The following PIP4K2A variants were observed in gnomAD, a reference collection of about 807,000 sequenced individuals.
PIP4K2A encodes phosphatidylinositol 5-phosphate 4-kinase type-2 alpha.
A neutral mutation model predicts 42.9 loss-of-function variants in PIP4K2A; 14 were observed. That is an observed-to-expected ratio of 0.33 (90% CI 0.22 to 0.51). The LOEUF is 0.51. Ranked by LOEUF, PIP4K2A falls within the 20% of genes least tolerant of loss-of-function variation. The pLI, the probability that PIP4K2A is intolerant of heterozygous loss-of-function variation, is 0.97. For missense variants in PIP4K2A, 434 were observed against 519.8 expected (o/e 0.83, Z 1.61); for synonymous variants, 192 against 192.2 (o/e 1.00, Z 0.01).
intron 3 of PIP4K2A, among the ~76,000 whole-genome samples, chr10:22,594,287 T>C (rs572274673): frequency 2.0e-5 from 3 of 152,368 alleles, no homozygotes; most frequent in East Asian, 3.9e-4. Context: ...TCTAGTTCGA[T>C]TAAAATGGGA....
chr10:22,586,446 G>T (rs1837396628), intron 4 of PIP4K2A, among the ~76,000 whole-genome samples: 2 of 152,198 alleles, frequency 1.3e-5, no homozygotes, highest in Non-Finnish European at 2.9e-5. Context: ...AATGCCACAT[G>T]AGAATGATTT....
intron 1 of PIP4K2A, among the ~76,000 whole-genome samples, chr10:22,701,878 A>G (rs1833721844): frequency 6.6e-6 from 1 of 152,210 alleles, no homozygotes; most frequent in Non-Finnish European, 1.5e-5. Context: ...ATGGGTTGAC[A>G]GGAACAGAAG....
In PIP4K2A at chr10:22,709,427, A is replaced by G. The variant is rs189633949; in HGVS notation, c.144+4756T>C. ...TTGAACCTCATCTGTCTAACCACAAACCTTTTTTGCCAAATTGCACCAATT... is the reference window on the plus strand; with the variant it reads ...TTGAACCTCATCTGTCTAACCACAAGCCTTTTTTGCCAAATTGCACCAATT... On this transcript the variant is annotated intron_variant, in intron 1 of 9. Transcript: ENST00000376573. Among the ~76,000 whole-genome samples, 147 of 152,178 alleles carry G rather than the reference A, an allele frequency of 9.7e-4. 4 individuals are homozygous for G. In the East Asian group the frequency reaches 0.024, roughly 25 times the overall value.
intron 1 of PIP4K2A, among the ~76,000 whole-genome samples, chr10:22,674,200 G>A (rs528748016): frequency 6.6e-6 from 1 of 152,244 alleles, no homozygotes; most frequent in Non-Finnish European, 1.5e-5. Flanking sequence ...GCAACCAGCA[G>A]ACACTGTCTT....
intron 3 of PIP4K2A, among the ~76,000 whole-genome samples, chr10:22,595,376 C>A (rs1837610868): frequency 6.6e-6 from 1 of 152,174 alleles, no homozygotes; most frequent in South Asian, 2.1e-4. Flanking sequence ...TAATCATAGA[C>A]TTTTTGTAGC....
chr10:22,614,900 G>A (rs1838141093), intron 1 of PIP4K2A, among the ~76,000 whole-genome samples: 1 of 152,136 alleles, frequency 6.6e-6, no homozygotes, highest in Non-Finnish European at 1.5e-5. Flanking sequence ...ATTGAAGAAG[G>A]CTGAGTTAAT....
chr10:22,701,382 A>C (rs2130916427), intron 1 of PIP4K2A, among the ~76,000 whole-genome samples: 1 of 152,104 alleles, frequency 6.6e-6, no homozygotes, highest in Admixed American at 6.5e-5. Flanking sequence ...GTATCTTCAA[A>C]CCTTTTAGGC....
chr10:22,549,868 A>G (rs1836357978), intron 7 of PIP4K2A, among the ~76,000 whole-genome samples: 1 of 130,314 alleles, frequency 7.7e-6, no homozygotes, highest in Non-Finnish European at 1.6e-5. Flanking sequence ...AAAAAAAAAA[A>G]AAAAAAGAAA....
chr10:22,556,363 TA>T, intron 6 of PIP4K2A, among the ~76,000 whole-genome samples: 1 of 152,312 alleles, frequency 6.6e-6, no homozygotes, highest in South Asian at 2.1e-4. Context: ...AAGCTATTCC[TA>T]GTAGGAAACC....
In PIP4K2A at chr10:22,627,591, T is replaced by TAAATAAAAA. The variant is rs1838469660; in HGVS notation, c.145-17875_145-17874insTTTTTATTT. Among the ~76,000 whole-genome samples, 3 of 57,032 alleles carry TAAATAAAAA rather than the reference T, an allele frequency of 5.3e-5. No individual in the cohort carries two copies. The South Asian group carries it at 2.5e-3, about 47-fold the overall frequency. The allele number at this position is 57,032 out of a possible 152,430, so 37.4% of individuals were successfully genotyped here. ...TGTTTAACCAAAAGCTAATATGTAATAAAAAAAAAAAAAAAAAAAAAAAAA... is the reference window on the plus strand; with the variant it reads ...TGTTTAACCAAAAGCTAATATGTAATAAATAAAAAAAAAAAAAAAAAAAAAAAAAAAAAA... On this transcript the variant is annotated intron_variant, in intron 1 of 9. Transcript: ENST00000376573.
At chr10:22,636,261 T>C (rs1039288545) in intron 1 of PIP4K2A, among the ~76,000 whole-genome samples, 8 of 152,178 alleles carry the variant, frequency 5.3e-5, no homozygotes, top group Admixed American at 2.6e-4. Flanking sequence ...TATTTATTTT[T>C]AGTTTTTAAA....
At chr10:22,588,088 T>C (rs1367778633) in intron 4 of PIP4K2A, among the ~76,000 whole-genome samples, 2 of 152,246 alleles carry the variant, frequency 1.3e-5, no homozygotes, top group Non-Finnish European at 2.9e-5. Context: ...ACCTCTTCTA[T>C]GTGAGATTTT....
At chr10:22,632,217 C>T (rs1457989589) in intron 1 of PIP4K2A, among the ~76,000 whole-genome samples, 2 of 151,876 alleles carry the variant, frequency 1.3e-5, no homozygotes, top group Non-Finnish European at 2.9e-5. Context: ...GGAATGAGTG[C>T]GGAAATGTAA....
intron 4 of PIP4K2A, among the ~76,000 whole-genome samples, chr10:22,583,524 G>A (rs1837324911): frequency 6.6e-6 from 1 of 152,174 alleles, no homozygotes; most frequent in Non-Finnish European, 1.5e-5. Context: ...GGAGCACAGG[G>A]GTACACGGAC....
intron 1 of PIP4K2A, among the ~76,000 whole-genome samples, chr10:22,644,469 C>CA (rs1380144509): frequency 6.6e-6 from 1 of 152,188 alleles, no homozygotes; most frequent in African/African-American, 2.4e-5. Flanking sequence ...AACTCCTCTA[C>CA]AAGTCCTCAC....
intron 1 of PIP4K2A, among the ~76,000 whole-genome samples, chr10:22,684,186 T>G (rs778018881): frequency 4.6e-5 from 7 of 152,200 alleles, no homozygotes; most frequent in Non-Finnish European, 8.8e-5. Flanking sequence ...TTTTCCCCAC[T>G]GGCTTGCTGT....
At chr10:22,648,295 C>T (rs1000726830) in intron 1 of PIP4K2A, among the ~76,000 whole-genome samples, 9 of 152,202 alleles carry the variant, frequency 5.9e-5, no homozygotes, top group South Asian at 2.1e-4. Context: ...CAATTAAGGA[C>T]GGTGTGGGGA....
At chr10:22,684,749 T>C (rs1194026168) in intron 1 of PIP4K2A, among the ~76,000 whole-genome samples, 1 of 152,188 alleles carries the variant, frequency 6.6e-6, no homozygotes, top group Non-Finnish European at 1.5e-5. Context: ...TAAATTACCC[T>C]GGAGTTCCTT....
At chr10:22,642,733 T>C (rs542213013) in intron 1 of PIP4K2A, among the ~76,000 whole-genome samples, 1 of 151,824 alleles carries the variant, frequency 6.6e-6, no homozygotes, top group African/African-American at 2.4e-5. Context: ...CAATGACACA[T>C]TCACATGAAA....
Sources: allele counts gnomAD v4.1 joint callset (sites outside exome capture counted in the v4.1 genomes callset), GRCh38; gene constraint gnomAD v4.1.1; transcripts MANE v1.5; gene names NCBI Gene and HGNC (gene_info 2026-07-23, HGNC 2026-07-21).